PTPRG: variants seen among roughly 807,000 people sequenced by gnomAD.
PTPRG encodes the protein protein tyrosine phosphatase receptor type G.
Under a neutral mutation model 165.3 loss-of-function variants are expected in PTPRG, and 102 were observed. The ratio of observed to expected loss-of-function variants is 0.62; its 90% CI spans 0.53 to 0.73. The LOEUF is 0.73. Among genes scored for constraint, PTPRG ranks in the 30% least tolerant of loss-of-function variants. PTPRG has a pLI of 0.00. For synonymous variants in PTPRG, 675 were observed against 669.5 expected (o/e 1.01, Z -0.13); for missense variants, 1,866 against 1,861.4 (o/e 1.00, Z -0.05).
intron 2 of PTPRG, among the ~76,000 whole-genome samples, chr3:61,784,706 A>G (rs985678503): frequency 2.0e-5 from 3 of 152,162 alleles, no homozygotes; most frequent in African/African-American, 7.2e-5. Flanking sequence ...CCATTTTTAC[A>G]TGTAGAAGCA....
intron 5 of PTPRG, among the ~76,000 whole-genome samples, chr3:62,112,073 T>C (rs1576016072): frequency 6.6e-6 from 1 of 152,052 alleles, no homozygotes; most frequent in Non-Finnish European, 1.5e-5. Flanking sequence ...TGGCCCCAGG[T>C]TGAAGCCCAG....
intron 2 of PTPRG, among the ~76,000 whole-genome samples, chr3:61,876,829 T>C (rs1341802415): frequency 6.6e-6 from 1 of 152,130 alleles, no homozygotes; most frequent in African/African-American, 2.4e-5. Context: ...TCATGTTTTT[T>C]TCCCAATATA....
intron 15 of PTPRG, among the ~76,000 whole-genome samples, chr3:62,249,167 A>G (rs1701354953): frequency 6.6e-6 from 1 of 152,170 alleles, no homozygotes. Context: ...ACAAAAATCT[A>G]TTTGTTGTGT....
At chr3:62,024,287 A>AAT in intron 4 of PTPRG, among the ~76,000 whole-genome samples, 1 of 152,150 alleles carries the variant, frequency 6.6e-6, no homozygotes, top group East Asian at 1.9e-4. Context: ...AATAGAAAGG[A>AAT]ATAAATTTCT....
In PTPRG at chr3:62,281,423, G is replaced by A. The variant is rs529936189; in HGVS notation, c.3766-140G>A. On this transcript the variant is annotated intron_variant, in intron 26 of 29. Coordinates refer to ENST00000474889, the MANE Select transcript of PTPRG (RefSeq NM_002841.4). ...ATAACCATTCAACTTGGTGTAGTTC[G>A]ATGGGAACATATAACTCTTATGAAT... The A allele has an allele frequency of 1.7e-5, 11 of 661,694 alleles. No individual in the cohort carries two copies. The Admixed American group carries it at 1.8e-4, about 11-fold the overall frequency. The allele number at this position is 661,694 out of a possible 1,614,324, so 41.0% of individuals were successfully genotyped here. A position where few individuals can be genotyped will look rare whatever the true frequency, so the allele number is the denominator to read the frequency against.
intron 1 of PTPRG, among the ~76,000 whole-genome samples, chr3:61,735,567 C>T (rs1029420618): frequency 4.6e-5 from 7 of 151,044 alleles, no homozygotes; most frequent in Non-Finnish European, 7.4e-5. Flanking sequence ...CGGGGACAGG[C>T]CTACATTGAT....
intron 6 of PTPRG, among the ~76,000 whole-genome samples, chr3:62,141,121 T>C (rs768442263): frequency 4.6e-5 from 7 of 152,136 alleles, no homozygotes; most frequent in Non-Finnish European, 1.0e-4. Context: ...ACATACCAAA[T>C]AGTCAAATAT....
intron 2 of PTPRG, among the ~76,000 whole-genome samples, chr3:61,838,199 A>C (rs2036526849): frequency 6.6e-6 from 1 of 152,122 alleles, no homozygotes; most frequent in Non-Finnish European, 1.5e-5. Flanking sequence ...GCTCAGAATT[A>C]TTGTCCTGAA....
intron 3 of PTPRG, among the ~76,000 whole-genome samples, chr3:61,997,810 G>A (rs555638893): frequency 1.3e-5 from 2 of 152,320 alleles, no homozygotes; most frequent in East Asian, 3.9e-4. Flanking sequence ...TTAGTGGAAG[G>A]CTGGAACTAG....
At chr3:61,787,400 T>C (rs1210416125) in intron 2 of PTPRG, among the ~76,000 whole-genome samples, 1 of 152,218 alleles carries the variant, frequency 6.6e-6, no homozygotes, top group African/African-American at 2.4e-5. Context: ...GCAACTTTGG[T>C]AGCATCACAT....
intron 1 of PTPRG, among the ~76,000 whole-genome samples, chr3:61,640,548 C>G (rs1041580618): frequency 1.3e-5 from 2 of 152,182 alleles, no homozygotes; most frequent in Non-Finnish European, 2.9e-5. Context: ...ACTCTTATCC[C>G]ATTTAACAGA....
At chr3:61,700,193 A>G (rs1575597298) in intron 1 of PTPRG, among the ~76,000 whole-genome samples, 1 of 152,346 alleles carries the variant, frequency 6.6e-6, no homozygotes, top group South Asian at 2.1e-4. Flanking sequence ...CTTTTCAACC[A>G]AGAAATAAGT....
At chr3:61,580,098 T>C (rs1004511307) in intron 1 of PTPRG, among the ~76,000 whole-genome samples, 1 of 152,186 alleles carries the variant, frequency 6.6e-6, no homozygotes, top group Non-Finnish European at 1.5e-5. Flanking sequence ...TTTATGTTAT[T>C]AGTAAGGCTT....
At chr3:61,659,952 C>A (rs149128176) in intron 1 of PTPRG, among the ~76,000 whole-genome samples, 6 of 152,002 alleles carry the variant, frequency 3.9e-5, no homozygotes, top group Admixed American at 1.3e-4. Flanking sequence ...TCTGGCCGGG[C>A]GCGGTGGCTC....
At chr3:61,982,089 T>C (rs2040655141) in intron 2 of PTPRG, among the ~76,000 whole-genome samples, 3 of 152,202 alleles carry the variant, frequency 2.0e-5, no homozygotes, top group South Asian at 4.1e-4. Context: ...GTTTCTATTA[T>C]GTCTCGATGG....
At chr3:62,010,093 A>T (rs1283192700) in intron 4 of PTPRG, among the ~76,000 whole-genome samples, 1 of 151,732 alleles carries the variant, frequency 6.6e-6, no homozygotes, top group East Asian at 1.9e-4. Context: ...AATGTTTTTT[A>T]TTTTTTGTAG....
At chr3:61,991,527 A>T (rs1156885914) in intron 3 of PTPRG, among the ~76,000 whole-genome samples, 1 of 151,928 alleles carries the variant, frequency 6.6e-6, no homozygotes, top group African/African-American at 2.4e-5. Context: ...TTTCATCCTC[A>T]CCTCTCTACC....
At chr3:61,573,836 T>C (rs1488679988) in intron 1 of PTPRG, among the ~76,000 whole-genome samples, 1 of 152,222 alleles carries the variant, frequency 6.6e-6, no homozygotes, top group Admixed American at 6.5e-5. Flanking sequence ...AAGGTTAATA[T>C]CTTCCTTAAG....
chr3:62,009,333 G>A (rs146481594), intron 4 of PTPRG, among the ~76,000 whole-genome samples: 126 of 152,232 alleles, frequency 8.3e-4, no homozygotes, highest in African/African-American at 2.9e-3. Flanking sequence ...TCTTCATATT[G>A]TGCAGCATTC....
Sources: allele counts gnomAD v4.1 joint callset (sites outside exome capture counted in the v4.1 genomes callset), GRCh38; gene constraint gnomAD v4.1.1; transcripts MANE v1.5; gene names NCBI Gene and HGNC (gene_info 2026-07-23, HGNC 2026-07-21).